ADAMTS1: variants seen among roughly 807,000 people sequenced by gnomAD.
The protein encoded by ADAMTS1 is ADAM metallopeptidase with thrombospondin type 1 motif 1.
A neutral mutation model predicts 87.9 loss-of-function variants in ADAMTS1; 19 were observed. The ratio of observed to expected loss-of-function variants is 0.22; its 90% CI spans 0.15 to 0.32. ADAMTS1 has a LOEUF of 0.32. Among genes scored for constraint, ADAMTS1 ranks in the 10% least tolerant of loss-of-function variants. The pLI is 1.00. For synonymous variants in ADAMTS1, 542 were observed against 501.8 expected, an observed-to-expected ratio of 1.08 and a Z score of -1.07; for missense variants, 1,240 against 1,259.1, an observed-to-expected ratio of 0.98 and a Z score of 0.23.
chr21:26,844,734 GT>G lies in ADAMTS1; in HGVS notation c.220del (p.Thr74ArgfsTer56). 1 of 1,571,074 alleles carries G rather than the reference GT, an allele frequency of 6.4e-7. No individual in the cohort carries two copies. Among genetic ancestry groups the G allele is most frequent in the East Asian group, 2.3e-5 (1 of 43,272 alleles). On this transcript the variant is annotated frameshift_variant, in exon 1 of 9. Transcript: ENST00000284984. LOFTEE classifies it high-confidence loss of function. ...GTCAAAGGCGTGCAGGCGGAGGCGC[GT>G]GGTCCCGTGTCCCGGGGCGCGCTCC... The part of the protein sequence containing the change: ...ELERAPGHGT[T>X]RLRLHAFDQQ...
At chr21:26,838,353 T>C in intron 8 of ADAMTS1, 75 bp from the exon 9 acceptor site, 10 of 1,578,046 alleles carry the variant, frequency 6.3e-6, no homozygotes, top group Non-Finnish European at 8.6e-6. Context: ...AACACATTAA[T>C]CTTTTATGAG....
chr21:26,843,560 G>C (rs140704281), intron 1 of ADAMTS1: 343 of 469,464 alleles, frequency 7.3e-4, no homozygotes, highest in Middle Eastern at 2.6e-3. Context: ...CAGTGCTTGA[G>C]AGCAGAATTA....
chr21:26,839,876 A>G lies in ADAMTS1; in HGVS notation c.1851T>C (p.Asn617=). The G allele has an allele frequency of 6.2e-7, 1 of 1,613,472 alleles. No individual in the cohort carries two copies. Among genetic ancestry groups the G allele is most frequent in the East Asian group, 2.2e-5 (1 of 44,868 alleles). The change falls in exon 6 of 9, where the codon AAT becomes AAC. Residue 617 remains asparagine (N), a splice_region_variant and synonymous_variant. Transcript: ENST00000284984. ...SCNLEDCPDN[N]GKTFREEQCE... ...AAACCAGAGTCCGTTGCTCCTCACCATTATTGTCTGGACAGTCCTCAAGGT... is the reference window on the plus strand; with the variant it reads ...AAACCAGAGTCCGTTGCTCCTCACCGTTATTGTCTGGACAGTCCTCAAGGT...
chr21:26,843,399 A>G (rs1470167877), intron 1 of ADAMTS1: 1 of 450,948 alleles, frequency 2.2e-6, no homozygotes, highest in African/African-American at 2.0e-5. Flanking sequence ...GGAGCAGAGG[A>G]GCAGGGGAAA....
At chr21:26,841,560 A>C in intron 3 of ADAMTS1, 1 of 303,260 alleles carries the variant, frequency 3.3e-6, no homozygotes, top group South Asian at 9.9e-5. Context: ...ATTTGTCCCA[A>C]AATAACATTT....
chr21:26,841,016 A>G lies in ADAMTS1; in HGVS notation c.1360T>C (p.Phe454Leu). 6.2e-7 allele frequency: 1 copy of G among 1,614,182 alleles called. No homozygotes were observed. Among genetic ancestry groups the G allele is most frequent in the Non-Finnish European group, 8.5e-7 (1 of 1,179,996 alleles). The change falls in exon 4 of 9, where the codon TTT becomes CTT. Residue 454 changes from phenylalanine to leucine, a missense_variant. Phe to Leu is a conservative substitution (Grantham distance 22). Coordinates refer to ENST00000284984, the MANE Select transcript of ADAMTS1 (RefSeq NM_006988.5). ...ATCTCACCATGACCATTATCCAGAA[A>G]TGATGTAATCATGTAGGCACTGCAA... The part of the protein sequence containing the change: ...SPCSAYMITS[F>L]LDNGHGECLM...
At position 26,842,473 on chromosome 21, in the gene ADAMTS1, C is replaced by T. The variant is rs151270751; in HGVS notation, c.943G>A (p.Glu315Lys). ...VVVKILVIHD[E>K]QKGPEVTSNA... Reference sequence around the variant, plus strand: ...GAGGTCACTTCCGGCCCCTTCTGTTCATCGTGGATGACCAAGATCTTCACC... The same window carrying T: ...GAGGTCACTTCCGGCCCCTTCTGTTTATCGTGGATGACCAAGATCTTCACC... Residue 315 changes from glutamate to lysine, a missense_variant, in exon 2 of 9, where the codon GAA becomes AAA. Physicochemically the swap from Glu to Lys is moderately conservative, Grantham distance 56. This residue lies in a region of ADAMTS1 where 521 missense variants were observed against 449.7 expected (regional missense o/e 1.16). Coordinates refer to ENST00000284984, the MANE Select transcript of ADAMTS1 (RefSeq NM_006988.5). The T allele has an allele frequency of 4.4e-5, 71 of 1,613,792 alleles. No individual in the cohort carries two copies. Among genetic ancestry groups the T allele is most frequent in the Middle Eastern group, 1.6e-4 (1 of 6,084 alleles).
In ADAMTS1 at chr21:26,839,638, C is replaced by G. The variant is rs746430209; in HGVS notation, c.1977G>C (p.Lys659Asn). 1 of 1,612,804 alleles carries G rather than the reference C, an allele frequency of 6.2e-7. No homozygotes were observed. The highest frequency in any genetic ancestry group is 8.5e-7 in the Non-Finnish European group (1 of 1,178,874). ...YAGVSPKDRC[K>N]LICQAKGIGY... The stretch of plus-strand genomic sequence containing the variant: ...CAATGCCTTTGGCTTGGCAGATGAG[C>G]TTGCACCTGTCCTTTGGTGAGACGC... Residue 659 changes from lysine to asparagine, a missense_variant, in exon 7 of 9, where the codon AAG becomes AAC. By Grantham distance (94) the Lys-to-Asn change is moderately conservative. Around this residue, in one of 3 missense-constraint regions of ADAMTS1, gnomAD observed 402 missense variants for 399.1 expected, o/e 1.01. Coordinates refer to ENST00000284984, the MANE Select transcript of ADAMTS1 (RefSeq NM_006988.5).
intron 1 of ADAMTS1, chr21:26,843,517 GC>G (rs3838077): frequency 0.74 from 346,671 of 467,006 alleles, 132,082 homozygotes; most frequent in African/African-American, 0.89. Flanking sequence ...CAGAGAGAAG[GC>G]CGTAGCAGGA....
intron 2 of ADAMTS1, 137 bp from the exon 3 acceptor site, chr21:26,842,127 G>A: frequency 8.8e-7 from 1 of 1,133,760 alleles, no homozygotes; most frequent in Non-Finnish European, 1.2e-6. Context: ...GACTTCATGT[G>A]ACTTTAATCA....
At chr21:26,843,718 T>C (rs1444461146) in intron 1 of ADAMTS1, 2 of 500,640 alleles carry the variant, frequency 4.0e-6, no homozygotes, top group South Asian at 3.0e-5. Flanking sequence ...AGAACAGAGA[T>C]CCTAGCGTAG....
chr21:26,838,453 T>C lies in ADAMTS1; in HGVS notation c.2190A>G (p.Ser730=). Residue 730 remains serine, a synonymous_variant, in exon 8 of 9, where the codon TCA becomes TCG. Coordinates refer to ENST00000284984, the MANE Select transcript of ADAMTS1 (RefSeq NM_006988.5). ...NGSTCKKISG[S]VTSAKPGYHD... ...TTAAAACTTACTTTGCACTAGTAAC[T>C]GATCCTGATATTTTTTTACAAGTAG... is the stretch of plus-strand genomic sequence containing the variant. 1 of 1,614,224 alleles carries C rather than the reference T, an allele frequency of 6.2e-7. No homozygotes were observed. Among genetic ancestry groups the C allele is most frequent in the Non-Finnish European group, 8.5e-7 (1 of 1,180,030 alleles).
In ADAMTS1 at chr21:26,844,207, CGA is replaced by C; in HGVS notation, c.730+16_730+17del. The C allele has an allele frequency of 6.5e-7, 1 of 1,527,042 alleles. No individual in the cohort carries two copies. The highest frequency in any genetic ancestry group is 8.8e-7 in the Non-Finnish European group (1 of 1,136,868). The allele number at this position is 1,527,042 out of a possible 1,614,324, so 94.6% of individuals were successfully genotyped here. Reference sequence around the variant, plus strand: ...AGAGGAGGATGAATGGACAGACAAACGAGAGCAATTCTTCTACCTGTGGGCTG... The same window carrying C: ...AGAGGAGGATGAATGGACAGACAAACGAGCAATTCTTCTACCTGTGGGCTG... On this transcript the variant is annotated intron_variant, in intron 1 of 8. Coordinates refer to ENST00000284984, the MANE Select transcript of ADAMTS1 (RefSeq NM_006988.5).
chr21:26,841,630 AG>A (rs1985496372), intron 3 of ADAMTS1: 1 of 431,562 alleles, frequency 2.3e-6, no homozygotes, highest in Non-Finnish European at 4.0e-6. Context: ...TACTTTTCAC[AG>A]GGTGTAAACA....
Position 26,844,424 on chromosome 21 carries a change from C to A in ADAMTS1, c.531G>T (p.Pro177=), listed in dbSNP as rs1490729098. ...RLATAAPGEK[P]PAPLQFHLLR... is the part of the protein sequence containing the mutation. ...GGAGGTGGAACTGTAGTGGTGCCGG[C>A]GGCTTCTCCCCTGGGGCGGCGGTGG... is the stretch of plus-strand genomic sequence containing the variant. Residue 177 remains proline, a synonymous_variant, in exon 1 of 9, where the codon CCG becomes CCT. Coordinates refer to ENST00000284984, the MANE Select transcript of ADAMTS1 (RefSeq NM_006988.5). 1.9e-6 allele frequency: 3 copies of A among 1,587,446 alleles called. No homozygotes were observed. Among genetic ancestry groups the A allele is most frequent in the East Asian group, 2.3e-5 (1 of 43,360 alleles).
At position 26,844,766 on chromosome 21, in the gene ADAMTS1, C is replaced by T. The variant is rs1448463183; in HGVS notation, c.189G>A (p.Pro63=). 2.6e-6 allele frequency: 4 copies of T among 1,552,508 alleles called. No homozygotes were observed. Among genetic ancestry groups the T allele is most frequent in the Non-Finnish European group, 3.5e-6 (4 of 1,145,722 alleles). The stretch of plus-strand genomic sequence containing the variant: ...CGTGTCCCGGGGCGCGCTCCAGCTC[C>T]GGCACCACTAGCTCCTCGTCCTCCT... ...PSEEDEELVV[P]ELERAPGHGT... Residue 63 remains proline, a synonymous_variant, in exon 1 of 9, where the codon CCG becomes CCA. Transcript: ENST00000284984.
Position 26,839,667 on chromosome 21 carries a change from C to T in ADAMTS1, c.1948G>A (p.Ala650Thr), listed in dbSNP as rs761688629. 2.5e-6 allele frequency: 4 copies of T among 1,613,906 alleles called. No homozygotes were observed. Among genetic ancestry groups the T allele is most frequent in the South Asian group, 1.1e-5 (1 of 91,086 alleles). Residue 650 changes from alanine (A) to threonine (T), a missense_variant, in exon 7 of 9, where the codon GCT becomes ACT. Coordinates refer to ENST00000284984, the MANE Select transcript of ADAMTS1 (RefSeq NM_006988.5). ...CACCTGTCCTTTGGTGAGACGCCAGCGTACTTGGGAATCCATTCCACCGCA... is the reference window on the plus strand; with the variant it reads ...CACCTGTCCTTTGGTGAGACGCCAGTGTACTTGGGAATCCATTCCACCGCA... ...GPAVEWIPKY[A>T]GVSPKDRCKL...
rs1344118016 is a variant in ADAMTS1 at position 26,844,572 on chromosome 21, G to A, written c.383C>T (p.Thr128Ile). 1.9e-6 allele frequency: 3 copies of A among 1,610,882 alleles called. No homozygotes were observed. The highest frequency in any genetic ancestry group is 2.5e-6 in the Non-Finnish European group (3 of 1,178,878). Residue 128 changes from threonine (T) to isoleucine (I), a missense_variant, in exon 1 of 9, where the codon ACC (threonine) becomes ATC (isoleucine). By Grantham distance (89) the Thr-to-Ile change is moderately conservative (BLOSUM62 -1). This residue lies in a region of ADAMTS1 where 521 missense variants were observed against 449.7 expected (regional missense o/e 1.16). Coordinates refer to ENST00000284984, the MANE Select transcript of ADAMTS1 (RefSeq NM_006988.5). ...AGCCGAGCTGGGATCGCCATTCACG[G>A]TGCCGGAGTAGAAGCAGTGCGCCAG... Reference protein sequence around the residue: ...TDLAHCFYSGTVNGDPSSAAA... With the variant: ...TDLAHCFYSGIVNGDPSSAAA...
Position 26,837,992 on chromosome 21 carries a change from C to T in ADAMTS1, c.2491G>A (p.Ala831Thr). The change falls in exon 9 of 9, where the codon GCC (alanine) becomes ACC (threonine). Residue 831 changes from alanine to threonine, a missense_variant. By Grantham distance (58) the Ala-to-Thr change is moderately conservative (BLOSUM62 0). Coordinates refer to ENST00000284984, the MANE Select transcript of ADAMTS1 (RefSeq NM_006988.5). ...GTGTATTTAATTTTAGGTCGAAGGG[C>T]ATTGCCCACAGTAAGAACCTGGATG... The part of the protein sequence containing the change: ...LTIQVLTVGN[A>T]LRPKIKYTYF... 6.2e-7 allele frequency: 1 copy of T among 1,614,216 alleles called. No individual in the cohort carries two copies. Among genetic ancestry groups the T allele is most frequent in the Non-Finnish European group, 8.5e-7 (1 of 1,180,040 alleles).
Sources: allele counts gnomAD v4.1 joint callset, GRCh38; gene constraint gnomAD v4.1.1; regional missense constraint gnomAD v4.1.1; transcripts MANE v1.5; gene names NCBI Gene and HGNC (gene_info 2026-07-23, HGNC 2026-07-21).